Variants in CRTC3 observed in about 807,000 individuals in gnomAD.
CRTC3 encodes the protein CREB regulated transcription coactivator 3.
Under a neutral mutation model 74.5 loss-of-function variants are expected in CRTC3, and 26 were observed. The observed-to-expected ratio is 0.35, with a 90% CI of 0.26 to 0.48. The LOEUF is 0.48. CRTC3 is among the 20% of genes least tolerant of loss of function. CRTC3 has a pLI of 0.99. For missense variants in CRTC3, 760 were observed against 787.3 expected, an observed-to-expected ratio of 0.97 and a Z score of 0.41; for synonymous variants, 377 against 325.8, an observed-to-expected ratio of 1.16 and a Z score of -1.69.
chr15:90,604,007 T>C (rs1968152404), intron 4 of CRTC3, among the ~76,000 whole-genome samples: 1 of 152,218 alleles, frequency 6.6e-6, no homozygotes, highest in Non-Finnish European at 1.5e-5. Flanking sequence ...AATATTTTCA[T>C]ACCCTGGGCA....
In CRTC3 at chr15:90,625,967, C is replaced by A; in HGVS notation, c.941C>A (p.Thr314Asn). The change falls in exon 10 of 15, where the codon ACC becomes AAC. Residue 314 changes from threonine to asparagine, a missense_variant. By Grantham distance (65) the Thr-to-Asn change is moderately conservative. Transcript: ENST00000268184. ...GTGAACAACATCCCAGCTGCTATGA[C>A]CCACCTGGGTATAAGAAGCTCCTCT... is the stretch of plus-strand genomic sequence containing the variant. ...NSVNNIPAAM[T>N]HLGIRSSSGL... The A allele has an allele frequency of 1.2e-6, 2 of 1,614,134 alleles. No individual in the cohort carries two copies. Among genetic ancestry groups the A allele is most frequent in the Non-Finnish European group, 1.7e-6 (2 of 1,179,968 alleles).
chr15:90,631,982 C>A (rs920786046), intron 11 of CRTC3, among the ~76,000 whole-genome samples: 1 of 151,694 alleles, frequency 6.6e-6, no homozygotes. Flanking sequence ...CTCACTGCAG[C>A]CTTGAACTCC....
chr15:90,638,077 C>G, intron 11 of CRTC3: 1 of 214,744 alleles, frequency 4.7e-6, no homozygotes, highest in South Asian at 9.8e-5. Context: ...CTTGTTTTAA[C>G]AGGATTTGGG....
At chr15:90,607,324 C>G in intron 5 of CRTC3, 54 bp from the exon 6 acceptor site, 2 of 1,020,458 alleles carry the variant, frequency 2.0e-6, no homozygotes, top group South Asian at 1.4e-5. Flanking sequence ...AAGACTATTG[C>G]ATTTTCACTA....
Position 90,540,254 on chromosome 15 carries a change from C to T in CRTC3, c.231+117C>T, listed in dbSNP as rs1966781753. 1.3e-5 allele frequency: 9 copies of T among 671,368 alleles called. No homozygotes were observed. In the South Asian group the frequency reaches 1.8e-4, roughly 14 times the overall value. The allele number at this position is 671,368 out of a possible 1,614,324, so 41.6% of individuals were successfully genotyped here. A position where few individuals can be genotyped will look rare whatever the true frequency, so the allele number is the denominator to read the frequency against. On this transcript the variant is annotated intron_variant, in intron 2 of 14. Coordinates refer to ENST00000268184, the MANE Select transcript of CRTC3 (RefSeq NM_022769.5). ...CTGGGCCTAGGTACAGTTCAGTCTT[C>T]TTTTGGAAAGTCCATTAATATTCTC...
At chr15:90,531,128 G>A (rs1966620123) in intron 1 of CRTC3, among the ~76,000 whole-genome samples, 1 of 152,186 alleles carries the variant, frequency 6.6e-6, no homozygotes, top group Non-Finnish European at 1.5e-5. Flanking sequence ...TTGCAAACCA[G>A]CTGAGTTGCA....
Position 90,548,290 on chromosome 15 carries a change from A to G in CRTC3, c.231+8153A>G, listed in dbSNP as rs925800056. Among the ~76,000 whole-genome samples the G allele has an allele frequency of 3.3e-5, 5 of 152,326 alleles. 1 individual carries two copies. In the East Asian group the frequency reaches 7.7e-4, roughly 24 times the overall value. On this transcript the variant is annotated intron_variant, in intron 2 of 14. Coordinates refer to ENST00000268184, the MANE Select transcript of CRTC3 (RefSeq NM_022769.5). ...ATTAACTACATTTTAACAAAATTGCATCATGTCATGTGTAACTGAGGGCTT... is the reference window on the plus strand; with the variant it reads ...ATTAACTACATTTTAACAAAATTGCGTCATGTCATGTGTAACTGAGGGCTT...
Position 90,643,306 on chromosome 15 carries a change from C to T in CRTC3, c.*1166C>T, listed in dbSNP as rs1596159306. 2 of 231,586 alleles carry T rather than the reference C, an allele frequency of 8.6e-6. No individual in the cohort carries two copies. The highest frequency in any genetic ancestry group is 1.7e-5 in the Non-Finnish European group (2 of 117,026). 14.3% of individuals were successfully genotyped at this position (231,586 alleles called of 1,614,324 possible). A position where few individuals can be genotyped will look rare whatever the true frequency, so the allele number is the denominator to read the frequency against. On this transcript the variant is annotated 3_prime_UTR_variant, in exon 15 of 15. Transcript: ENST00000268184. ...AGATCTTCTCAGAGCTTTAGCTTTT[C>T]TAGCACTCGTGCCTATGGTGAAGCA...
At position 90,598,470 on chromosome 15, in the gene CRTC3, C is replaced by G. The variant is rs1382462066; in HGVS notation, c.352-3854C>G. 3 of 702,936 alleles carry G rather than the reference C, an allele frequency of 4.3e-6. No homozygotes were observed. In the Admixed American group the frequency reaches 6.0e-5, roughly 14 times the overall value. The allele number at this position is 702,936 out of a possible 1,614,324, so 43.5% of individuals were successfully genotyped here. On this transcript the variant is annotated intron_variant, in intron 3 of 14. Transcript: ENST00000268184. ...CACAGGTTGAGAGGAACAGCAGTCCCTGTGTTGATGGATTGAGGCAGTAAC... is the reference window on the plus strand; with the variant it reads ...CACAGGTTGAGAGGAACAGCAGTCCGTGTGTTGATGGATTGAGGCAGTAAC...
At chr15:90,580,348 C>T (rs1284668790) in intron 2 of CRTC3, among the ~76,000 whole-genome samples, 1 of 152,068 alleles carries the variant, frequency 6.6e-6, no homozygotes, top group East Asian at 1.9e-4. Flanking sequence ...CCTCCCCTGT[C>T]TGTAGGCAAA....
intron 2 of CRTC3, among the ~76,000 whole-genome samples, chr15:90,558,953 T>C (rs891417550): frequency 1.3e-5 from 2 of 152,050 alleles, no homozygotes; most frequent in Non-Finnish European, 2.9e-5. Context: ...GATTTCACCA[T>C]GTTGGCCAGG....
chr15:90,611,947 C>T (rs1968365058), intron 6 of CRTC3, among the ~76,000 whole-genome samples: 1 of 152,094 alleles, frequency 6.6e-6, no homozygotes, highest in Non-Finnish European at 1.5e-5. Flanking sequence ...TCCAGCCCAT[C>T]TCCCAGTCCT....
chr15:90,619,812 C>A (rs763785720), intron 9 of CRTC3, 22 bp downstream of exon 9: 2 of 1,604,898 alleles, frequency 1.2e-6, no homozygotes, highest in Admixed American at 1.7e-5. Flanking sequence ...TCTTTCTGTT[C>A]GTGTTTCAGG....
intron 2 of CRTC3, among the ~76,000 whole-genome samples, chr15:90,563,597 A>G (rs1232835651): frequency 3.3e-5 from 5 of 152,200 alleles, no homozygotes; most frequent in Non-Finnish European, 7.3e-5. Flanking sequence ...ATCTTTCTGT[A>G]TTGCACTACT....
chr15:90,575,510 T>G (rs921176116), intron 2 of CRTC3, among the ~76,000 whole-genome samples: 8 of 152,264 alleles, frequency 5.3e-5, no homozygotes, highest in Non-Finnish European at 1.0e-4. Context: ...GTATGCAGTG[T>G]GAATCTGGCT....
chr15:90,544,845 A>G (rs983127108), intron 2 of CRTC3, among the ~76,000 whole-genome samples: 38 of 152,348 alleles, frequency 2.5e-4, no homozygotes, highest in African/African-American at 8.7e-4. Context: ...AAAATTTACC[A>G]TCTTAACCAT....
At chr15:90,580,142 A>C (rs1368924731) in intron 2 of CRTC3, among the ~76,000 whole-genome samples, 1 of 152,216 alleles carries the variant, frequency 6.6e-6, no homozygotes, top group Non-Finnish European at 1.5e-5. Context: ...AGTTAGGACT[A>C]TGCCTAATCT....
chr15:90,545,354 A>G (rs1338525670), intron 2 of CRTC3, among the ~76,000 whole-genome samples: 1 of 151,600 alleles, frequency 6.6e-6, no homozygotes, highest in African/African-American at 2.4e-5. Context: ...TTTTGGGTAC[A>G]TACTCAGAAG....
At chr15:90,546,900 G>A (rs1662951765) in intron 2 of CRTC3, among the ~76,000 whole-genome samples, 1 of 152,142 alleles carries the variant, frequency 6.6e-6, no homozygotes, top group Admixed American at 6.5e-5. Context: ...TGGGATTACA[G>A]GCGTGAGCCA....
Sources: allele counts gnomAD v4.1 joint callset (sites outside exome capture counted in the v4.1 genomes callset), GRCh38; gene constraint gnomAD v4.1.1; transcripts MANE v1.5; gene names NCBI Gene and HGNC (gene_info 2026-07-23, HGNC 2026-07-21).